The following RNF157 variants were observed in gnomAD, a reference collection of about 807,000 sequenced individuals.
The protein encoded by RNF157 is E3 ubiquitin ligase RNF157.
RNF157 carries 55 observed loss-of-function variants against 88.3 expected under a neutral mutation model. The ratio of observed to expected loss-of-function variants is 0.62; its 90% CI spans 0.50 to 0.78. The LOEUF (loss-of-function observed/expected upper bound fraction) is 0.78, where lower values mean the gene tolerates loss of function less well. RNF157 is among the 30% of genes least tolerant of loss of function. The pLI, the probability that RNF157 is intolerant of heterozygous loss-of-function variation, is 0.00. For synonymous variants in RNF157, 334 were observed against 341.2 expected, an observed-to-expected ratio of 0.98 and a Z score of 0.23; for missense variants, 788 against 860.8, an observed-to-expected ratio of 0.92 and a Z score of 1.06.
chr17:76,207,670 A>G (rs1454492681), intron 2 of RNF157, among the ~76,000 whole-genome samples: 2 of 152,158 alleles, frequency 1.3e-5, no homozygotes, highest in African/African-American at 4.8e-5. Flanking sequence ...GATGGCTTTA[A>G]AAGGTTGTTC....
At chr17:76,221,558 A>T (rs1399210165) in intron 1 of RNF157, among the ~76,000 whole-genome samples, 1 of 152,244 alleles carries the variant, frequency 6.6e-6, no homozygotes, top group African/African-American at 2.4e-5. Context: ...TTATTTTATT[A>T]AACCCTTTAA....
intron 18 of RNF157, among the ~76,000 whole-genome samples, chr17:76,148,031 A>G (rs1235012951): frequency 6.6e-6 from 1 of 152,154 alleles, no homozygotes; most frequent in Admixed American, 6.5e-5. Flanking sequence ...GTCTTTGTAG[A>G]GTTGCTCTCC....
intron 1 of RNF157, among the ~76,000 whole-genome samples, chr17:76,214,286 C>T (rs144604959): frequency 6.6e-6 from 1 of 152,298 alleles, no homozygotes; most frequent in Non-Finnish European, 1.5e-5. Context: ...AATCCCCACA[C>T]ATTTTGCTGA....
Position 76,160,446 on chromosome 17 carries a change from CG to C in RNF157, c.1066-874del, listed in dbSNP as rs1486748934. Reference sequence around the variant, plus strand: ...AGAAGACCTATTCTGACTGCTTCCCCGAAAGCAGGGAGAATCGCTAAAAAGA... The same window carrying C: ...AGAAGACCTATTCTGACTGCTTCCCCAAAGCAGGGAGAATCGCTAAAAAGA... On this transcript the variant is annotated intron_variant, in intron 11 of 18. Transcript: ENST00000269391. This position sits in a 1 kb window ranked among gnomAD's most constrained non-coding sequence, Gnocchi z 4.3. Among the ~76,000 whole-genome samples the C allele has an allele frequency of 6.6e-6, 1 of 151,832 alleles. No individual in the cohort carries two copies. Among genetic ancestry groups the C allele is most frequent in the Non-Finnish European group, 1.5e-5 (1 of 67,990 alleles).
chr17:76,185,513 A>ATTTTTT (rs1568047389), intron 2 of RNF157, among the ~76,000 whole-genome samples: 11 of 143,836 alleles, frequency 7.6e-5, no homozygotes, highest in African/African-American at 3.0e-4. Context: ...TCTGTCGCCC[A>ATTTTTT]GGCTGGAGTG....
chr17:76,148,435 T>G (rs2068620773), intron 18 of RNF157, among the ~76,000 whole-genome samples: 1 of 150,668 alleles, frequency 6.6e-6, no homozygotes, highest in South Asian at 2.1e-4. Flanking sequence ...CCTGGCTAAT[T>G]TTTTTGTATT....
intron 2 of RNF157, among the ~76,000 whole-genome samples, chr17:76,199,782 AC>A (rs2069541427): frequency 6.6e-6 from 1 of 152,066 alleles, no homozygotes; most frequent in African/African-American, 2.4e-5. Context: ...CTGAAGATCC[AC>A]CTACCATAGA....
intron 8 of RNF157, chr17:76,163,671 C>T (rs560699548): frequency 2.6e-4 from 39 of 152,354 alleles, no homozygotes; most frequent in Admixed American, 2.2e-3. Context: ...GATTTTATAT[C>T]CCACTCTCCG....
chr17:76,162,057 CTT>C, intron 9 of RNF157, 55 bp from the exon 10 acceptor site: 1 of 1,564,280 alleles, frequency 6.4e-7, no homozygotes, highest in Non-Finnish European at 8.7e-7. Flanking sequence ...CTGTCCCATA[CTT>C]TACTGACAAG....
At chr17:76,148,557 G>A (rs1184107543) in intron 18 of RNF157, among the ~76,000 whole-genome samples, 9 of 144,710 alleles carry the variant, frequency 6.2e-5, no homozygotes, top group Non-Finnish European at 9.0e-5. Context: ...GGGAGCCACC[G>A]TGCCCCGCCT....
At chr17:76,218,906 C>T (rs2069935252) in intron 1 of RNF157, among the ~76,000 whole-genome samples, 2 of 151,728 alleles carry the variant, frequency 1.3e-5, no homozygotes, top group African/African-American at 4.8e-5. Context: ...GGCACTCCAG[C>T]CTGGGTGACA....
intron 1 of RNF157, among the ~76,000 whole-genome samples, chr17:76,225,053 T>C (rs1207286575): frequency 6.6e-6 from 1 of 152,036 alleles, no homozygotes; most frequent in Non-Finnish European, 1.5e-5. Context: ...GCATCTGTAA[T>C]CCCAGCTACT....
intron 1 of RNF157, chr17:76,226,805 A>T (rs2070096170): frequency 2.6e-6 from 4 of 1,545,936 alleles, no homozygotes; most frequent in Middle Eastern, 2.4e-4. Context: ...CATTTCGGTC[A>T]TGTTGCGGTG....
intron 1 of RNF157, among the ~76,000 whole-genome samples, chr17:76,222,516 T>A (rs2070003164): frequency 6.6e-6 from 1 of 152,190 alleles, no homozygotes; most frequent in South Asian, 2.1e-4. Context: ...CAGGTTATAA[T>A]GCTGTCATTT....
At chr17:76,177,125 A>ACTGGCCCCGGCC (rs368009265) in intron 2 of RNF157, among the ~76,000 whole-genome samples, 4 of 151,996 alleles carry the variant, frequency 2.6e-5, no homozygotes, top group Admixed American at 1.3e-4. Context: ...TGCCCTGGAC[A>ACTGGCCCCGGCC]CTGGCCCCGG....
At chr17:76,225,148 G>A (rs1186834566) in intron 1 of RNF157, among the ~76,000 whole-genome samples, 2 of 152,028 alleles carry the variant, frequency 1.3e-5, no homozygotes, top group Non-Finnish European at 2.9e-5. Context: ...CTCCAGCCTA[G>A]GCAACAGAGT....
intron 2 of RNF157, among the ~76,000 whole-genome samples, chr17:76,175,082 T>C (rs928597502): frequency 6.6e-6 from 1 of 152,234 alleles, no homozygotes; most frequent in Admixed American, 6.5e-5. Flanking sequence ...TCCGTCCGTC[T>C]ATCCATCCAT....
At position 76,190,187 on chromosome 17, in the gene RNF157, G is replaced by A. The variant is rs186967579; in HGVS notation, c.208-16397C>T. On this transcript the variant is annotated intron_variant, in intron 2 of 18. Coordinates refer to ENST00000269391, the MANE Select transcript of RNF157 (RefSeq NM_052916.3). ...TGCTCTCTCTTTTTTTTTTTTTTTT[G>A]AAATAGATTCTCACTGTCAACCAGG... Among the ~76,000 whole-genome samples the A allele has an allele frequency of 4.1e-3, 428 of 103,876 alleles. 5 individuals are homozygous for A. Among genetic ancestry groups the A allele is most frequent in the African/African-American group, 0.016 (407 of 25,352 alleles). The allele number at this position is 103,876 out of a possible 152,430, so 68.1% of individuals were successfully genotyped here. A position where few individuals can be genotyped will look rare whatever the true frequency, so the allele number is the denominator to read the frequency against.
rs1465960 is a variant in RNF157 at position 76,143,183 on chromosome 17, G to A, written c.*2052C>T. The A allele has an allele frequency of 0.29, 44,240 of 152,180 alleles. 6,822 individuals are homozygous for A. Among genetic ancestry groups the A allele is most frequent in the African/African-American group, 0.37 (15,463 of 41,484 alleles). The allele number at this position is 152,180 out of a possible 1,614,324, so 9.4% of individuals were successfully genotyped here. A position where few individuals can be genotyped will look rare whatever the true frequency, so the allele number is the denominator to read the frequency against. Reference sequence around the variant, plus strand: ...GACATTTCTAACCTAGGTATGCCTTGGACATGGGACTGAGGCCTTGAGGAA... The same window carrying A: ...GACATTTCTAACCTAGGTATGCCTTAGACATGGGACTGAGGCCTTGAGGAA... On this transcript the variant is annotated 3_prime_UTR_variant, in exon 19 of 19. Transcript: ENST00000269391.
Sources: gnomAD v4.1 joint callset for allele counts (sites outside exome capture counted in the v4.1 genomes callset) on GRCh38, gnomAD v4.1.1 for gene constraint, Gnocchi (gnomAD v3.1) non-coding constraint, MANE v1.5 for transcripts, NCBI Gene and HGNC (gene_info 2026-07-23, HGNC 2026-07-21) for gene names.